TLR7: variants seen among roughly 807,000 people sequenced by gnomAD.
TLR7 encodes toll-like receptor 7.
A neutral mutation model predicts 38.3 loss-of-function variants in TLR7; 12 were observed. That is an observed-to-expected ratio of 0.31 (90% CI 0.20 to 0.51). The LOEUF is 0.51. Ranked by LOEUF, TLR7 falls within the 20% of genes least tolerant of loss-of-function variation. TLR7 has a pLI of 0.98. For synonymous variants in TLR7, 285 were observed against 293.8 expected (o/e 0.97, Z 0.31); for missense variants, 504 against 743.4 (o/e 0.68, Z 3.74).
rs186383115 is a variant in TLR7 at position 12,889,484 on chromosome X, A to G, written c.*826A>G. ...TCATCCAGGGCCCCATTCTGTGCAG[A>G]TTGAGTGTGGGCACCACACAGGTGG... On this transcript the variant is annotated 3_prime_UTR_variant, in exon 3 of 3. Transcript: ENST00000380659. The G allele has an allele frequency of 8.9e-6, 1 of 112,359 alleles. No individual in the cohort carries two copies. The highest frequency in any genetic ancestry group is 9.4e-5 in the Admixed American group (1 of 10,655). The allele number at this position is 112,359 out of a possible 1,213,427, so 9.3% of individuals were successfully genotyped here.
At chrX:12,872,851 C>T (rs1262699901) in intron 2 of TLR7, among the ~76,000 whole-genome samples, 1 of 109,049 alleles carries the variant, frequency 9.2e-6, no homozygotes, top group Non-Finnish European at 1.9e-5. Flanking sequence ...CTGCTTTCAC[C>T]CTTGCCCCTC....
chrX:12,889,009 T>G lies in TLR7; in HGVS notation c.*351T>G. ...TTGAGAAGAACTGCATTTCTACCCT[T>G]AAAAAGTACTGGTATATACAGAAAT... On this transcript the variant is annotated 3_prime_UTR_variant, in exon 3 of 3. Transcript: ENST00000380659. 6.1e-6 allele frequency: 1 copy of G among 163,959 alleles called. No individual in the cohort carries two copies. The highest frequency in any genetic ancestry group is 1.2e-5 in the Non-Finnish European group (1 of 86,381). The allele number at this position is 163,959 out of a possible 1,213,427, so 13.5% of individuals were successfully genotyped here.
Position 12,888,512 on chromosome X carries a change from C to T in TLR7, c.3004C>T (p.Gln1002Ter). The T allele has an allele frequency of 8.3e-7, 1 of 1,211,743 alleles. No homozygotes were observed. The highest frequency in any genetic ancestry group is 1.1e-6 in the Non-Finnish European group (1 of 895,517). ...GCCCTTTCAGAAGTCCAAGTTCCTC[C>T]AGCTCCGGAAAAGGCTCTGTGGGAG... Reference protein sequence around the residue: ...EKPFQKSKFLQLRKRLCGSSV... With the variant: ...EKPFQKSKFL The change falls in exon 3 of 3, where the codon CAG becomes TAG. Residue 1002 changes from glutamine (Q) to a stop codon, truncating the protein, a stop_gained. Coordinates refer to ENST00000380659, the MANE Select transcript of TLR7 (RefSeq NM_016562.4). LOFTEE classifies it high-confidence loss of function.
intron 2 of TLR7, among the ~76,000 whole-genome samples, chrX:12,881,169 G>GCAGGAGAATCGCT (rs1221561442): frequency 4.6e-5 from 5 of 109,322 alleles, no homozygotes; most frequent in African/African-American, 1.7e-4. Flanking sequence ...GGAGGTTGCA[G>GCAGGAGAATCGCT]TGAACCGAGA....
chrX:12,886,170 C>T lies in TLR7; in HGVS notation c.662C>T (p.Thr221Ile), dbSNP rs753875075. The T allele has an allele frequency of 8.3e-7, 1 of 1,211,606 alleles. No homozygotes were observed. The highest frequency in any genetic ancestry group is 1.1e-6 in the Non-Finnish European group (1 of 895,098). Residue 221 changes from threonine to isoleucine, a missense_variant, in exon 3 of 3, where the codon ACT becomes ATT. Physicochemically the swap from Thr to Ile is moderately conservative, Grantham distance 89 (BLOSUM62 -1). Coordinates refer to ENST00000380659, the MANE Select transcript of TLR7 (RefSeq NM_016562.4). ...GATAACAATGTCACAGCCGTCCCTACTGTTTTGCCATCTACTTTAACAGAA... is the reference window on the plus strand; with the variant it reads ...GATAACAATGTCACAGCCGTCCCTATTGTTTTGCCATCTACTTTAACAGAA... ...LKDNNVTAVP[T>I]VLPSTLTELY...
chrX:12,887,511 G>C lies in TLR7; in HGVS notation c.2003G>C (p.Gly668Ala). The C allele has an allele frequency of 1.7e-6, 2 of 1,211,199 alleles. No homozygotes were observed. The highest frequency in any genetic ancestry group is 3.0e-5 in the East Asian group (1 of 33,846). Residue 668 changes from glycine to alanine, a missense_variant, in exon 3 of 3, where the codon GGA (glycine) becomes GCA (alanine). Gly to Ala is a moderately conservative substitution (Grantham distance 60). Coordinates refer to ENST00000380659, the MANE Select transcript of TLR7 (RefSeq NM_016562.4). ...AATTCCCTAAGTTTCTTGCCTTCTG[G>C]AGTTTTTGATGGTATGCCTCCAAAT... ...SKNSLSFLPS[G>A]VFDGMPPNLK...
At chrX:12,884,507 G>C (rs146351522) in intron 2 of TLR7, among the ~76,000 whole-genome samples, 2 of 112,045 alleles carry the variant, frequency 1.8e-5, no homozygotes, top group African/African-American at 6.5e-5. Flanking sequence ...GCCAGTGGAA[G>C]GTAATAAGGT....
At position 12,887,313 on chromosome X, in the gene TLR7, T is replaced by C. The variant is rs1167770549; in HGVS notation, c.1805T>C (p.Met602Thr). 1 of 1,210,380 alleles carries C rather than the reference T, an allele frequency of 8.3e-7. No individual in the cohort carries two copies. Among genetic ancestry groups the C allele is most frequent in the Non-Finnish European group, 1.1e-6 (1 of 895,356 alleles). ...TKNLKVLQKL[M>T]MNDNDISSST... ...AACCTAAAGGTTCTGCAGAAACTGA[T>C]GATGAACGACAATGACATCTCTTCC... Residue 602 changes from methionine (M) to threonine (T), a missense_variant, in exon 3 of 3, where the codon ATG (methionine) becomes ACG (threonine). Coordinates refer to ENST00000380659, the MANE Select transcript of TLR7 (RefSeq NM_016562.4).
chrX:12,876,204 C>T (rs1457926044), intron 2 of TLR7, among the ~76,000 whole-genome samples: 1 of 111,808 alleles, frequency 8.9e-6, no homozygotes, highest in Non-Finnish European at 1.9e-5. Context: ...GTGATCCTCC[C>T]GCCTTGGACT....
chrX:12,873,182 T>C (rs967437496), intron 2 of TLR7, among the ~76,000 whole-genome samples: 8 of 112,254 alleles, frequency 7.1e-5, no homozygotes, highest in Non-Finnish European at 1.1e-4. Context: ...ATGTCTGTTA[T>C]GGATGACTTT....
Position 12,888,317 on chromosome X carries a change from C to A in TLR7, c.2809C>A (p.Gln937Lys). 8.3e-7 allele frequency: 1 copy of A among 1,211,446 alleles called. No homozygotes were observed. The highest frequency in any genetic ancestry group is 1.7e-5 in the African/African-American group (1 of 57,718). ...CLEERDWLPG[Q>K]PVLENLSQSI... ...CGAGGAAAGGGACTGGTTACCAGGG[C>A]AGCCAGTTCTGGAAAACCTTTCCCA... Residue 937 changes from glutamine (Q) to lysine (K), a missense_variant, in exon 3 of 3, where the codon CAG becomes AAG. Gln to Lys is a moderately conservative substitution (Grantham distance 53, BLOSUM62 1). Transcript: ENST00000380659.
Position 12,886,170 on chromosome X carries a change from C to G in TLR7, c.662C>G (p.Thr221Ser). The G allele has an allele frequency of 1.7e-6, 2 of 1,211,606 alleles. No homozygotes were observed. Among genetic ancestry groups the G allele is most frequent in the Non-Finnish European group, 2.2e-6 (2 of 895,098 alleles). The change falls in exon 3 of 3, where the codon ACT becomes AGT. Residue 221 changes from threonine to serine, a missense_variant. By Grantham distance (58) the Thr-to-Ser change is moderately conservative. Coordinates refer to ENST00000380659, the MANE Select transcript of TLR7 (RefSeq NM_016562.4). ...GATAACAATGTCACAGCCGTCCCTACTGTTTTGCCATCTACTTTAACAGAA... is the reference window on the plus strand; with the variant it reads ...GATAACAATGTCACAGCCGTCCCTAGTGTTTTGCCATCTACTTTAACAGAA... ...LKDNNVTAVP[T>S]VLPSTLTELY... is the part of the protein sequence containing the mutation.
chrX:12,870,363 T>C (rs1350616633), intron 2 of TLR7, among the ~76,000 whole-genome samples: 3 of 112,345 alleles, frequency 2.7e-5, no homozygotes, highest in Admixed American at 9.5e-5. Context: ...CAATAGTGGT[T>C]CAGCAAATTT....
rs1250732476 is a variant in TLR7 at position 12,885,664 on chromosome X, A to G, written c.156A>G (p.Thr52=). 8.2e-7 allele frequency: 1 copy of G among 1,212,127 alleles called. No individual in the cohort carries two copies. Among genetic ancestry groups the G allele is most frequent in the Non-Finnish European group, 1.1e-6 (1 of 895,628 alleles). Residue 52 remains threonine (T), a synonymous_variant, in exon 3 of 3, where the codon ACA becomes ACG. Coordinates refer to ENST00000380659, the MANE Select transcript of TLR7 (RefSeq NM_016562.4). The part of the protein sequence containing the change: ...VPKNHVIVDC[T]DKHLTEIPGG... ...AGAACCATGTGATCGTGGACTGCAC[A>G]GACAAGCATTTGACAGAAATTCCTG...
At chrX:12,881,400 TATTTATTCTTTTTAATAAATAAATGAGTC>T (rs1569108410) in intron 2 of TLR7, among the ~76,000 whole-genome samples, 1 of 100,054 alleles carries the variant, frequency 1.0e-5, no homozygotes, top group Non-Finnish European at 1.9e-5. Flanking sequence ...ATAAATGAGT[TATTTATTCTTTTTAATAAATAAATGAGTC>T]ATTTATTCTT....
intron 2 of TLR7, 37 bp from the exon 3 acceptor site, chrX:12,885,474 GT>G: frequency 8.9e-7 from 1 of 1,122,362 alleles, no homozygotes; most frequent in Non-Finnish European, 1.2e-6. Context: ...TTCTTGGTAT[GT>G]TTTAGAACAA....
At chrX:12,881,507 A>AACTGAGTTATTTATTCTTTTTAATAAAT (rs1569108449) in intron 2 of TLR7, among the ~76,000 whole-genome samples, 2 of 103,372 alleles carry the variant, frequency 1.9e-5, no homozygotes, top group Non-Finnish European at 3.8e-5. Context: ...AATAAATAAT[A>AACTGAGTTATTTATTCTTTTTAATAAAT]AATAACTGAG....
At position 12,887,602 on chromosome X, in the gene TLR7, A is replaced by C; in HGVS notation, c.2094A>C (p.Leu698=). Residue 698 remains leucine, a synonymous_variant, in exon 3 of 3, where the codon CTA becomes CTC. Transcript: ENST00000380659. ...KSFSWKKLQC[L]KNLETLDLSH... ...TCAGTTGGAAGAAACTCCAGTGTCT[A>C]AAGAACCTGGAAACTTTGGACCTCA... is the stretch of plus-strand genomic sequence containing the variant. 1.7e-6 allele frequency: 2 copies of C among 1,210,009 alleles called. No homozygotes were observed. Among genetic ancestry groups the C allele is most frequent in the Non-Finnish European group, 2.2e-6 (2 of 894,820 alleles).
At chrX:12,875,119 G>C (rs946092352) in intron 2 of TLR7, among the ~76,000 whole-genome samples, 9 of 111,659 alleles carry the variant, frequency 8.1e-5, no homozygotes, top group African/African-American at 2.9e-4. Flanking sequence ...TTGCCACCTT[G>C]AAGAGTTGTT....
Sources: gnomAD v4.1 joint callset for allele counts (sites outside exome capture counted in the v4.1 genomes callset) on GRCh38, gnomAD v4.1.1 for gene constraint, MANE v1.5 for transcripts, NCBI Gene and HGNC (gene_info 2026-07-23, HGNC 2026-07-21) for gene names.